PLCXD3: variants seen among roughly 807,000 people sequenced by gnomAD.
PLCXD3 encodes phosphatidylinositol specific phospholipase C X domain containing 3, also known as PI-PLC X domain-containing protein 3.
In PLCXD3, 19 loss-of-function variants were observed where a neutral mutation model predicts 25.5. The ratio of observed to expected loss-of-function variants is 0.75; its 90% confidence interval spans 0.52 to 1.09. The LOEUF (loss-of-function observed/expected upper bound fraction) is 1.09. Ranked by LOEUF, PLCXD3 falls within the 50% of genes least tolerant of loss-of-function variation. PLCXD3 has a pLI of 0.00. For missense variants in PLCXD3, 411 were observed against 388.1 expected, an observed-to-expected ratio of 1.06 and a Z score of -0.50; for synonymous variants, 174 against 137.6, an observed-to-expected ratio of 1.26 and a Z score of -1.85.
chr5:41,497,827 T>C (rs575031821), intron 1 of PLCXD3, among the ~76,000 whole-genome samples: 4 of 151,990 alleles, frequency 2.6e-5, no homozygotes, highest in African/African-American at 9.6e-5. Context: ...TTATACCAAG[T>C]ATCCTTCAAG....
rs1196153636 is a variant in PLCXD3, at chr5:41,309,984, A to G, written c.*3633T>C. ...TGCAGTTTCAACTTGAATAATAAGT[A>G]TATGTGTGTGAAATGTGCATTCTGT... On this transcript the variant is annotated 3_prime_UTR_variant, in exon 3 of 3. Coordinates refer to ENST00000377801, the MANE Select transcript of PLCXD3 (RefSeq NM_001005473.3). The G allele has an allele frequency of 6.6e-6, 1 of 152,134 alleles. No individual in the cohort carries two copies. The highest frequency in any genetic ancestry group is 2.4e-5 in the African/African-American group (1 of 41,448). 9.4% of individuals were successfully genotyped at this position (152,134 alleles called of 1,614,324 possible). A position where few individuals can be genotyped will look rare whatever the true frequency, so the allele number is the denominator to read the frequency against.
rs187844944 is a variant in PLCXD3 at position 41,352,538 on chromosome 5, C to T, written c.812+29288G>A. ...AGAAAATAAATTTATGATAATTAGC[C>T]TAGTCTTACATCTCTGCCTATTTTT... is the stretch of plus-strand genomic sequence containing the variant. On this transcript the variant is annotated intron_variant, in intron 2 of 2. Transcript: ENST00000377801. 3.9e-4 allele frequency among the ~76,000 whole-genome samples: 59 copies of T among 152,228 alleles called. No individual in the cohort carries two copies. The South Asian group carries it at 0.01, about 26-fold the overall frequency.
At chr5:41,427,898 TTTAA>T (rs1169692148) in intron 1 of PLCXD3, among the ~76,000 whole-genome samples, 1 of 152,174 alleles carries the variant, frequency 6.6e-6, no homozygotes, top group African/African-American at 2.4e-5. Flanking sequence ...AAACATATTT[TTTAA>T]TGTAATCAAA....
intron 1 of PLCXD3, among the ~76,000 whole-genome samples, chr5:41,495,880 GAATAA>G (rs1434129743): frequency 6.6e-6 from 1 of 151,768 alleles, no homozygotes; most frequent in African/African-American, 2.4e-5. Context: ...CAAGTCAAAG[GAATAA>G]AATAAGTTTC....
intron 2 of PLCXD3, among the ~76,000 whole-genome samples, chr5:41,347,167 G>T (rs921651275): frequency 2.6e-5 from 4 of 152,070 alleles, no homozygotes; most frequent in Non-Finnish European, 5.9e-5. Context: ...TGGGACATTT[G>T]GTATTGTCAG....
chr5:41,358,863 T>G (rs1041814000), intron 2 of PLCXD3, among the ~76,000 whole-genome samples: 1 of 152,202 alleles, frequency 6.6e-6, no homozygotes, highest in Non-Finnish European at 1.5e-5. Context: ...TTGTCACACA[T>G]GGCTTTTATT....
chr5:41,429,589 T>G (rs1747044079), intron 1 of PLCXD3, among the ~76,000 whole-genome samples: 1 of 152,138 alleles, frequency 6.6e-6, no homozygotes, highest in African/African-American at 2.4e-5. Context: ...AAAATCATCT[T>G]GAATGTGGAT....
chr5:41,356,533 A>T (rs1744621745), intron 2 of PLCXD3, among the ~76,000 whole-genome samples: 1 of 152,162 alleles, frequency 6.6e-6, no homozygotes, highest in South Asian at 2.1e-4. Context: ...CTGTTCCTTG[A>T]TTAATGCAAA....
At chr5:41,400,294 C>G (rs1746140272) in intron 1 of PLCXD3, among the ~76,000 whole-genome samples, 2 of 151,980 alleles carry the variant, frequency 1.3e-5, no homozygotes, top group Non-Finnish European at 2.9e-5. Flanking sequence ...CCTCAAAAAC[C>G]TAGAAATAGA....
Position 41,311,601 on chromosome 5 carries a change from T to C in PLCXD3, c.*2016A>G, listed in dbSNP as rs2150465868. On this transcript the variant is annotated 3_prime_UTR_variant, in exon 3 of 3. Transcript: ENST00000377801. ...TGGGCATATGTTTGTATATTGTATA[T>C]GGCAAGATGTATACACACAACCCAA... 1 of 152,296 alleles carries C rather than the reference T, an allele frequency of 6.6e-6. No individual in the cohort carries two copies. Among genetic ancestry groups the C allele is most frequent in the East Asian group, 1.9e-4 (1 of 5,188 alleles). 9.4% of individuals were successfully genotyped at this position (152,296 alleles called of 1,614,324 possible).
intron 2 of PLCXD3, among the ~76,000 whole-genome samples, chr5:41,318,328 C>A (rs188128002): frequency 3.9e-5 from 6 of 152,120 alleles, no homozygotes; most frequent in Non-Finnish European, 7.4e-5. Flanking sequence ...GTAAACTACT[C>A]TTATCCTTAG....
At chr5:41,475,664 C>T (rs318039) in intron 1 of PLCXD3, 169,952 of 534,398 alleles carry the variant, frequency 0.32, 30,616 homozygotes, top group African/African-American at 0.62. Context: ...CAGGCGCCAC[C>T]TGTGGCTGTC....
chr5:41,499,971 G>A (rs181366112), intron 1 of PLCXD3, among the ~76,000 whole-genome samples: 16 of 151,842 alleles, frequency 1.1e-4, no homozygotes, highest in African/African-American at 3.4e-4. Flanking sequence ...TATGACATAT[G>A]TATGTAAATT....
At chr5:41,386,975 G>T (rs373531754) in intron 1 of PLCXD3, among the ~76,000 whole-genome samples, 4 of 151,596 alleles carry the variant, frequency 2.6e-5, no homozygotes, top group African/African-American at 7.3e-5. Context: ...TTAACTTTTT[G>T]TTAAGTTTAG....
chr5:41,503,554 C>A (rs1476636177), intron 1 of PLCXD3, among the ~76,000 whole-genome samples: 1 of 152,112 alleles, frequency 6.6e-6, no homozygotes, highest in Non-Finnish European at 1.5e-5. Flanking sequence ...ATTTAACCAT[C>A]TCCTCCTACC....
At chr5:41,423,667 C>T (rs529366217) in intron 1 of PLCXD3, among the ~76,000 whole-genome samples, 80 of 151,658 alleles carry the variant, frequency 5.3e-4, no homozygotes, top group African/African-American at 1.8e-3. Context: ...AATTTCTGGC[C>T]GGGCGTGGTG....
rs143140825 is a variant in PLCXD3 at position 41,357,936 on chromosome 5, T to C, written c.812+23890A>G. Among the ~76,000 whole-genome samples the C allele has an allele frequency of 3.5e-3, 534 of 152,310 alleles. 3 individuals are homozygous for C. The highest frequency in any genetic ancestry group is 0.012 in the African/African-American group (519 of 41,570). On this transcript the variant is annotated intron_variant, in intron 2 of 2. Transcript: ENST00000377801. Reference sequence around the variant, plus strand: ...ATCTGTATTACAATAGGGTTCTATTTAAAGTAAACCTAATTATTCTCAATG... The same window carrying C: ...ATCTGTATTACAATAGGGTTCTATTCAAAGTAAACCTAATTATTCTCAATG...
chr5:41,443,744 A>C (rs552900907), intron 1 of PLCXD3, among the ~76,000 whole-genome samples: 42 of 152,278 alleles, frequency 2.8e-4, no homozygotes, highest in African/African-American at 9.9e-4. Flanking sequence ...ATAAAATAAA[A>C]TGATTATCCT....
intron 2 of PLCXD3, among the ~76,000 whole-genome samples, chr5:41,345,971 C>T (rs1744291120): frequency 6.6e-6 from 1 of 151,982 alleles, no homozygotes. Flanking sequence ...TCTCCACCTA[C>T]TGGGTTCAAG....
Sources: allele counts gnomAD v4.1 joint callset (sites outside exome capture counted in the v4.1 genomes callset), GRCh38; gene constraint gnomAD v4.1.1; transcripts MANE v1.5; gene names NCBI Gene and HGNC (gene_info 2026-07-23, HGNC 2026-07-21).